BCAS3: variants seen among roughly 807,000 people sequenced by gnomAD.
BCAS3 encodes BCAS4/BCAS3 fusion.
BCAS3 carries 53 observed loss-of-function variants against 116.1 expected under a neutral mutation model. That is an observed-to-expected ratio of 0.46 (90% CI 0.37 to 0.57). The LOEUF (loss-of-function observed/expected upper bound fraction) is 0.57. BCAS3 is among the 20% of genes least tolerant of loss of function. BCAS3 has a pLI of 0.00. For missense variants in BCAS3, 917 were observed against 1,165.4 expected (o/e 0.79, Z 3.10); for synonymous variants, 391 against 408.2 (o/e 0.96, Z 0.51).
chr17:60,864,927 T>C (rs1293284421), intron 7 of BCAS3, among the ~76,000 whole-genome samples: 2 of 152,136 alleles, frequency 1.3e-5, no homozygotes, highest in Non-Finnish European at 2.9e-5. Flanking sequence ...GAATAGCTGG[T>C]AGGTGGAGCT....
In BCAS3 at chr17:61,097,362, T is replaced by G. The variant is rs536547532; in HGVS notation, c.2425+12798T>G. 2.4e-4 allele frequency among the ~76,000 whole-genome samples: 37 copies of G among 152,244 alleles called. No homozygotes were observed. Among genetic ancestry groups the G allele is most frequent in the Middle Eastern group, 6.8e-3 (2 of 294 alleles). The stretch of plus-strand genomic sequence containing the variant: ...CCTGGCTAATTTTTTGTATTTTTAA[T>G]AGAGACGGGATTTCACCATGTTAGC... On this transcript the variant is annotated intron_variant, in intron 22 of 23. Transcript: ENST00000407086. The surrounding 1 kb of genome is among the most constrained non-coding windows in gnomAD (Gnocchi z 4.0).
rs563059166 is a variant in BCAS3 at position 61,235,192 on chromosome 17, C to A, written c.2426-133135C>A. 1.1e-3 allele frequency among the ~76,000 whole-genome samples: 161 copies of A among 152,124 alleles called. No individual in the cohort carries two copies. The highest frequency in any genetic ancestry group is 3.6e-3 in the African/African-American group (150 of 41,504). ...GTGAACCACCACGCCTGGCTGTCTG[C>A]CCCCCGCCTGTCCTAAGCACTTTAA... On this transcript the variant is annotated intron_variant, in intron 22 of 23. Transcript: ENST00000407086. The surrounding 1 kb of genome is among the most constrained non-coding windows in gnomAD (Gnocchi z 5.0).
intron 7 of BCAS3, among the ~76,000 whole-genome samples, chr17:60,820,102 G>T (rs982679419): frequency 6.7e-6 from 1 of 149,914 alleles, no homozygotes; most frequent in Non-Finnish European, 1.5e-5. Context: ...GCAGAGTCTC[G>T]TTCTGTTGCC....
intron 4 of BCAS3, among the ~76,000 whole-genome samples, chr17:60,707,619 A>G (rs2037334129): frequency 1.3e-5 from 2 of 152,246 alleles, no homozygotes; most frequent in Admixed American, 1.3e-4. Flanking sequence ...ATAGGGAGGA[A>G]GCATTCAGTC....
chr17:61,006,386 A>G (rs2064713298), intron 15 of BCAS3, among the ~76,000 whole-genome samples: 1 of 152,144 alleles, frequency 6.6e-6, no homozygotes, highest in Non-Finnish European at 1.5e-5. Flanking sequence ...TGTTTATCTC[A>G]GAACCAACTT....
At chr17:60,979,640 G>C (rs937671547) in intron 14 of BCAS3, among the ~76,000 whole-genome samples, 7 of 149,926 alleles carry the variant, frequency 4.7e-5, no homozygotes, top group African/African-American at 1.8e-4. Context: ...GTTTGTCATA[G>C]ATAGCTCTTA....
At chr17:61,320,909 A>T (rs372482222) in intron 22 of BCAS3, among the ~76,000 whole-genome samples, 2 of 152,178 alleles carry the variant, frequency 1.3e-5, no homozygotes, top group East Asian at 1.9e-4. Context: ...GCACGTGTGT[A>T]ATGTTTTACA....
At chr17:61,163,946 G>A (rs761980492) in intron 22 of BCAS3, among the ~76,000 whole-genome samples, 11 of 142,202 alleles carry the variant, frequency 7.7e-5, no homozygotes, top group Non-Finnish European at 1.5e-4. Context: ...GCAGTGAGCC[G>A]AGATTGTACC....
At chr17:61,292,856 C>T (rs1212583216) in intron 22 of BCAS3, among the ~76,000 whole-genome samples, 2 of 152,102 alleles carry the variant, frequency 1.3e-5, no homozygotes, top group African/African-American at 4.8e-5. Context: ...TTTAAAAAAT[C>T]TGCCTAGGAT....
intron 6 of BCAS3, among the ~76,000 whole-genome samples, chr17:60,761,904 C>G (rs187556478): frequency 0.26 from 39,007 of 148,600 alleles, 10,492 homozygotes; most frequent in African/African-American, 0.71. Context: ...CATTCTAATT[C>G]GTGTGAGATG....
intron 22 of BCAS3, among the ~76,000 whole-genome samples, chr17:61,284,701 C>G (rs1195554500): frequency 1.4e-5 from 2 of 145,644 alleles, no homozygotes; most frequent in South Asian, 4.3e-4. Context: ...AGGCTTCATT[C>G]TAACTAGCTT....
At chr17:60,807,514 G>GCT (rs1488263262) in intron 6 of BCAS3, among the ~76,000 whole-genome samples, 1 of 152,166 alleles carries the variant, frequency 6.6e-6, no homozygotes, top group East Asian at 1.9e-4. Flanking sequence ...GGCCATTGTG[G>GCT]CTCTCGCCTG....
chr17:61,254,136 T>C (rs1602214433), intron 22 of BCAS3, among the ~76,000 whole-genome samples: 1 of 152,172 alleles, frequency 6.6e-6, no homozygotes, highest in East Asian at 1.9e-4. Flanking sequence ...GCCTCCTTCC[T>C]TAGGTATTAT....
At chr17:61,260,770 T>C (rs2049135297) in intron 22 of BCAS3, among the ~76,000 whole-genome samples, 1 of 152,214 alleles carries the variant, frequency 6.6e-6, no homozygotes, top group Non-Finnish European at 1.5e-5. Context: ...CTGGCAATTT[T>C]GCCGTAAAAC....
At chr17:61,014,552 CACTACAT>C (rs1383667394) in intron 15 of BCAS3, among the ~76,000 whole-genome samples, 1 of 151,562 alleles carries the variant, frequency 6.6e-6, no homozygotes, top group Non-Finnish European at 1.5e-5. Context: ...CCTCAGCTCT[CACTACAT>C]ACACAAAAAT....
chr17:60,852,346 T>C (rs963756151), intron 7 of BCAS3, among the ~76,000 whole-genome samples: 11 of 152,214 alleles, frequency 7.2e-5, no homozygotes, highest in African/African-American at 2.7e-4. Context: ...CCTGTTTTCC[T>C]AATAACTTTG....
intron 3 of BCAS3, among the ~76,000 whole-genome samples, chr17:60,687,513 T>C (rs2034232741): frequency 6.6e-6 from 1 of 152,066 alleles, no homozygotes; most frequent in African/African-American, 2.4e-5. Context: ...CTGACATGGG[T>C]GGACCGTTTG....
rs773147142 is a variant in BCAS3, at chr17:61,309,011, C to G, written c.2426-59316C>G. 2.6e-5 allele frequency among the ~76,000 whole-genome samples: 4 copies of G among 152,250 alleles called. No individual in the cohort carries two copies. Among genetic ancestry groups the G allele is most frequent in the East Asian group, 1.9e-4 (1 of 5,174 alleles). On this transcript the variant is annotated intron_variant, in intron 22 of 23. Coordinates refer to ENST00000407086, the MANE Select transcript of BCAS3 (RefSeq NM_017679.5). This position sits in a 1 kb window ranked among gnomAD's most constrained non-coding sequence, Gnocchi z 4.6. ...TCTCCAGCCATGTGGCCTCCCCCAG[C>G]AGAGGCTTTGAGGACCTATCTGTCC...
At chr17:60,867,567 C>A (rs775159516) in intron 7 of BCAS3, among the ~76,000 whole-genome samples, 8 of 151,896 alleles carry the variant, frequency 5.3e-5, no homozygotes, top group Non-Finnish European at 1.2e-4. Context: ...TAAAAATATA[C>A]CTGATGTTTG....
Sources: gnomAD v4.1 joint callset for allele counts (sites outside exome capture counted in the v4.1 genomes callset) on GRCh38, gnomAD v4.1.1 for gene constraint, Gnocchi (gnomAD v3.1) non-coding constraint, MANE v1.5 for transcripts, NCBI Gene and HGNC (gene_info 2026-07-23, HGNC 2026-07-21) for gene names.